Variants in STK3 observed in about 807,000 individuals in gnomAD.
The protein encoded by STK3 is serine/threonine-protein kinase 3.
In STK3, 41 loss-of-function variants were observed where a neutral mutation model predicts 58.0. The ratio of observed to expected loss-of-function variants is 0.71; its 90% CI spans 0.55 to 0.92. The LOEUF (loss-of-function observed/expected upper bound fraction) is 0.92, where lower values mean the gene tolerates loss of function less well. Ranked by LOEUF, STK3 falls within the 40% of genes least tolerant of loss-of-function variation. The probability of loss-of-function intolerance (pLI) is 0.00; values close to 1 mark genes in which losing one functional copy is unlikely to be tolerated. For synonymous variants in STK3, 170 were observed against 191.0 expected (o/e 0.89, Z 0.91); for missense variants, 479 against 602.7 (o/e 0.79, Z 2.15).
At chr8:98,775,935 T>C (rs1446446982) in intron 1 of STK3, among the ~76,000 whole-genome samples, 4 of 152,214 alleles carry the variant, frequency 2.6e-5, no homozygotes, top group Non-Finnish European at 5.9e-5. Context: ...CTATGAATAT[T>C]CAACAGGCTG....
chr8:98,687,881 A>C (rs569278166), intron 6 of STK3, among the ~76,000 whole-genome samples: 1 of 152,216 alleles, frequency 6.6e-6, no homozygotes, highest in Non-Finnish European at 1.5e-5. Context: ...CGAGACTACA[A>C]AGCAACTAGC....
intron 1 of STK3, among the ~76,000 whole-genome samples, chr8:98,940,064 T>C (rs1052926152): frequency 1.3e-5 from 2 of 152,198 alleles, no homozygotes; most frequent in Non-Finnish European, 2.9e-5. Context: ...GAGATCCCCT[T>C]CCCTGGAGTC....
intron 1 of STK3, among the ~76,000 whole-genome samples, chr8:98,803,075 C>T (rs909296880): frequency 1.3e-5 from 2 of 152,188 alleles, no homozygotes; most frequent in Admixed American, 6.5e-5. Context: ...GGGTATGATT[C>T]TCTCTACGCT....
intron 3 of STK3, among the ~76,000 whole-genome samples, chr8:98,832,704 G>A (rs191058768): frequency 1.3e-5 from 2 of 152,140 alleles, no homozygotes; most frequent in East Asian, 1.9e-4. Context: ...CCAAGGGGGG[G>A]TCCATTCAGT....
chr8:98,831,357 A>G (rs1835528724), intron 3 of STK3, among the ~76,000 whole-genome samples: 1 of 152,212 alleles, frequency 6.6e-6, no homozygotes. Context: ...GGCTCAAGGA[A>G]TCCTCCTGCC....
At chr8:98,736,651 A>G (rs1828619915) in intron 4 of STK3, among the ~76,000 whole-genome samples, 1 of 152,170 alleles carries the variant, frequency 6.6e-6, no homozygotes, top group African/African-American at 2.4e-5. Context: ...AGAACGCTTT[A>G]CCCCTAATAA....
upstream of STK3, among the ~76,000 whole-genome samples, chr8:98,830,349 G>C (rs1835478943): frequency 1.3e-5 from 2 of 152,218 alleles, no homozygotes; most frequent in Admixed American, 1.3e-4. Context: ...CATGCAGATA[G>C]CATGAATGTG....
In STK3 at chr8:98,672,800, G is replaced by A. The variant is rs139826592; in HGVS notation, c.684+33667C>T. ...TATACAGTTAATGACCAGAATTCTG[G>A]AAAACTGCCAAATTCAGGCACATTC... On this transcript the variant is annotated intron_variant, in intron 6 of 10. Transcript: ENST00000419617. 3.4e-3 allele frequency among the ~76,000 whole-genome samples: 516 copies of A among 152,254 alleles called. 2 individuals carry two copies. The highest frequency in any genetic ancestry group is 0.014 in the Middle Eastern group (4 of 294).
At chr8:98,897,519 CG>C (rs1316072594) in intron 1 of STK3, among the ~76,000 whole-genome samples, 2 of 151,994 alleles carry the variant, frequency 1.3e-5, no homozygotes, top group African/African-American at 4.8e-5. Flanking sequence ...GGCGTGAACC[CG>C]GGAGGCGGAG....
intron 1 of STK3, chr8:98,905,735 A>T: frequency 1.8e-6 from 1 of 540,644 alleles, no homozygotes; most frequent in Non-Finnish European, 3.4e-6. Context: ...ACCCTACAAA[A>T]TCGTTTGTCT....
chr8:98,461,997 A>C, intron 10 of STK3, among the ~76,000 whole-genome samples: 1 of 152,144 alleles, frequency 6.6e-6, no homozygotes, highest in South Asian at 2.1e-4. Flanking sequence ...CGGGTACCTG[A>C]AATGTTTTGA....
chr8:98,484,755 T>C (rs1474231330), intron 10 of STK3, among the ~76,000 whole-genome samples: 2 of 152,046 alleles, frequency 1.3e-5, no homozygotes, highest in African/African-American at 4.8e-5. Context: ...ATAGAAAATA[T>C]AAGATTTAAA....
intron 6 of STK3, among the ~76,000 whole-genome samples, chr8:98,669,675 C>T (rs1007314612): frequency 1.3e-5 from 2 of 152,144 alleles, no homozygotes; most frequent in Non-Finnish European, 2.9e-5. Context: ...AATGAACACC[C>T]GGAATACAGG....
chr8:98,552,793 C>G (rs931158716), intron 8 of STK3, among the ~76,000 whole-genome samples: 3 of 152,066 alleles, frequency 2.0e-5, no homozygotes, highest in African/African-American at 7.2e-5. Context: ...AAACACCTAG[C>G]ATACAGTAGG....
intron 10 of STK3, among the ~76,000 whole-genome samples, chr8:98,478,358 G>C (rs1233806774): frequency 5.9e-5 from 9 of 152,200 alleles, no homozygotes; most frequent in Admixed American, 4.6e-4. Flanking sequence ...TTGGGAGGTA[G>C]AGAAGGGTTT....
chr8:98,466,169 A>G (rs2131196394), intron 10 of STK3, among the ~76,000 whole-genome samples: 1 of 152,346 alleles, frequency 6.6e-6, no homozygotes, highest in Middle Eastern at 3.4e-3. Flanking sequence ...TTAAGTGATT[A>G]ATTTTCTTTT....
intron 3 of STK3, among the ~76,000 whole-genome samples, chr8:98,839,916 C>T (rs1415698314): frequency 1.3e-5 from 2 of 151,722 alleles, no homozygotes; most frequent in Non-Finnish European, 2.9e-5. Flanking sequence ...TATAAAATAC[C>T]GTCGACAAAG....
Position 98,578,331 on chromosome 8 carries a change from C to T in STK3, c.948+1333G>A, listed in dbSNP as rs148894387. ...ACCTGAAAAAAATACCTTTTGAAGA[C>T]ACTATTTAAAATTCTAAGTAATGAA... On this transcript the variant is annotated intron_variant, in intron 8 of 10. Transcript: ENST00000419617. Among the ~76,000 whole-genome samples the T allele has an allele frequency of 2.6e-3, 397 of 152,252 alleles. 3 individuals are homozygous for T. Among genetic ancestry groups the T allele is most frequent in the African/African-American group, 9.3e-3 (387 of 41,550 alleles).
chr8:98,740,089 C>A (rs1346781871), intron 4 of STK3, among the ~76,000 whole-genome samples: 3 of 152,162 alleles, frequency 2.0e-5, no homozygotes, highest in African/African-American at 7.2e-5. Context: ...AAATATGGGA[C>A]TATGTGAAAA....
Sources: allele counts gnomAD v4.1 joint callset (sites outside exome capture counted in the v4.1 genomes callset), GRCh38; gene constraint gnomAD v4.1.1; transcripts MANE v1.5; gene names NCBI Gene and HGNC (gene_info 2026-07-23, HGNC 2026-07-21).